The following DUOX2 variants were observed in gnomAD, a reference collection of about 807,000 sequenced individuals.
DUOX2 encodes the protein NADH/NADPH thyroid oxidase p138-tox.
Under a neutral mutation model 183.3 loss-of-function variants are expected in DUOX2, and 185 were observed. The ratio of observed to expected loss-of-function variants is 1.01; its 90% CI spans 0.90 to 1.14. The LOEUF (loss-of-function observed/expected upper bound fraction) is 1.14, where lower values mean the gene tolerates loss of function less well. Among genes scored for constraint, DUOX2 ranks in the 50% most tolerant of loss-of-function variants. DUOX2 has a pLI of 0.00. For synonymous variants in DUOX2, 788 were observed against 812.4 expected, an observed-to-expected ratio of 0.97 and a Z score of 0.51; for missense variants, 1,999 against 2,022.9, an observed-to-expected ratio of 0.99 and a Z score of 0.23.
intron 33 of DUOX2, 43 bp from the exon 34 acceptor site, chr15:45,094,315 G>A (rs1384297009): frequency 1.2e-6 from 2 of 1,613,682 alleles, no homozygotes; most frequent in Non-Finnish European, 1.7e-6. Context: ...CAGCCTAAAG[G>A]TGCTCACTCT....
At chr15:45,100,580 G>T (rs79374174) in intron 23 of DUOX2, among the ~76,000 whole-genome samples, 175 bp downstream of exon 23, 1 of 152,206 alleles carries the variant, frequency 6.6e-6, no homozygotes, top group Admixed American at 6.5e-5. Context: ...ATGGGGTGCA[G>T]AGGCTGGAAG....
In DUOX2 at chr15:45,095,844, C is replaced by T; in HGVS notation, c.4064G>A (p.Cys1355Tyr). The T allele has an allele frequency of 6.2e-7, 1 of 1,614,098 alleles. No individual in the cohort carries two copies. Among genetic ancestry groups the T allele is most frequent in the South Asian group, 1.1e-5 (1 of 91,076 alleles). ...GACGGGCACCTTTGGGTATCCAGCA[C>T]AGCCATTGCCCTTTGGGGATGAGTA... ...EIYSSPKGNG[C>Y]AGYPKLYLDG... The change falls in exon 30 of 34, where the codon TGT becomes TAT. Residue 1355 changes from cysteine (C) to tyrosine (Y), a missense_variant. Physicochemically the swap from Cys to Tyr is radical, Grantham distance 194 (BLOSUM62 -2). Coordinates refer to ENST00000389039, the MANE Select transcript of DUOX2 (RefSeq NM_001363711.2).
At position 45,112,982 on chromosome 15, in the gene DUOX2, C is replaced by T. The variant is rs372199473; in HGVS notation, c.160+5G>A. On this transcript the variant is annotated splice_donor_5th_base_variant and intron_variant, in intron 3 of 33. Transcript: ENST00000389039. The stretch of plus-strand genomic sequence containing the variant: ...CCCCAGCACGCCCGGGCCCCCAGAA[C>T]GCACCAACAGCACCACGCTCGTGGT... 8.1e-6 allele frequency: 13 copies of T among 1,613,204 alleles called. No individual in the cohort carries two copies. Among genetic ancestry groups the T allele is most frequent in the Middle Eastern group, 1.7e-4 (1 of 5,950 alleles).
intron 29 of DUOX2, among the ~76,000 whole-genome samples, chr15:45,096,387 G>T (rs1448424632): frequency 6.6e-6 from 1 of 152,040 alleles, no homozygotes; most frequent in Non-Finnish European, 1.5e-5. Context: ...CATCTCAGTG[G>T]CTACCAGACC....
intron 30 of DUOX2, 69 bp downstream of exon 30, chr15:45,095,759 G>A (rs577507386): frequency 1.3e-6 from 2 of 1,557,006 alleles, no homozygotes; most frequent in South Asian, 2.3e-5. Flanking sequence ...TCTAGTCTCA[G>A]GATAGGGAAG....
intron 12 of DUOX2, 22 bp downstream of exon 12, chr15:45,108,767 T>G: frequency 6.2e-7 from 1 of 1,613,776 alleles, no homozygotes. Context: ...TAGCTGCCAT[T>G]ATTATCATTA....
intron 29 of DUOX2, 106 bp downstream of exon 29, chr15:45,097,132 C>G (rs557181722): frequency 1.4e-4 from 212 of 1,539,742 alleles, no homozygotes; most frequent in Non-Finnish European, 1.8e-4. Context: ...TTTTTGGAGA[C>G]AGAGTCAGAG....
rs778971278 is a variant in DUOX2 at position 45,109,061 on chromosome 15, C to A, written c.1235-109G>T. 6.4e-5 allele frequency: 89 copies of A among 1,385,860 alleles called. No individual in the cohort carries two copies. In the East Asian group the frequency reaches 8.1e-4, roughly 13 times the overall value. The allele number at this position is 1,385,860 out of a possible 1,614,324, so 85.8% of individuals were successfully genotyped here. ...TACGGTTCTTCCCTCCTGGCTACCC[C>A]CAGTGATCCACATGAGATCTGTGCC... On this transcript the variant is annotated intron_variant, in intron 11 of 33. Coordinates refer to ENST00000389039, the MANE Select transcript of DUOX2 (RefSeq NM_001363711.2).
intron 27 of DUOX2, 65 bp from the exon 28 acceptor site, chr15:45,097,806 A>T: frequency 6.2e-7 from 1 of 1,612,102 alleles, no homozygotes; most frequent in Non-Finnish European, 8.5e-7. Context: ...AAAAGACAAC[A>T]GCACATTCCC....
chr15:45,095,770 G>A (rs1893883724), intron 30 of DUOX2, 58 bp downstream of exon 30: 3 of 1,568,210 alleles, frequency 1.9e-6, no homozygotes, highest in Non-Finnish European at 2.6e-6. Context: ...GATAGGGAAG[G>A]GCAGAGATCC....
chr15:45,094,088 G>A lies in DUOX2; in HGVS notation c.*62C>T. 6.2e-7 allele frequency: 1 copy of A among 1,613,160 alleles called. No homozygotes were observed. The highest frequency in any genetic ancestry group is 8.5e-7 in the Non-Finnish European group (1 of 1,179,384). On this transcript the variant is annotated 3_prime_UTR_variant, in exon 34 of 34. Transcript: ENST00000389039. ...GATGGAGAGATTGCCAGCAGGGCTGGGCAACTTAGGTGCACAGAAGAGAAG... is the reference window on the plus strand; with the variant it reads ...GATGGAGAGATTGCCAGCAGGGCTGAGCAACTTAGGTGCACAGAAGAGAAG...
Position 45,103,960 on chromosome 15 carries a change from C to T in DUOX2, c.2654G>A (p.Arg885Gln), listed in dbSNP as rs181461079. The T allele has an allele frequency of 5.5e-5, 89 of 1,613,944 alleles. No homozygotes were observed. In the East Asian group the frequency reaches 9.4e-4, roughly 17 times the overall value. Residue 885 changes from arginine to glutamine, a missense_variant and splice_region_variant, in exon 20 of 34, where the codon CGA becomes CAA. Transcript: ENST00000389039. The stretch of plus-strand genomic sequence containing the variant: ...AGGATTAGAAAGGCACACCCCATAC[C>T]GCATCATGGTGAAGAATTCGTCCTT... ...LSKDEFFTMM[R>Q]SFIEISNNCL...
At position 45,111,954 on chromosome 15, in the gene DUOX2, G is replaced by C. The variant is rs745963417; in HGVS notation, c.327C>G (p.Gly109=). ...HNRTVLGVFF[G]YHVLSDVVSV... ...TCACCACGTCGGAAAGAACATGGTA[G>C]CCTGCGGGCATGGGGCGCCAATACG... Residue 109 remains glycine (G), a splice_region_variant and synonymous_variant, in exon 5 of 34, where the codon GGC becomes GGG. Coordinates refer to ENST00000389039, the MANE Select transcript of DUOX2 (RefSeq NM_001363711.2). 1 of 1,613,350 alleles carries C rather than the reference G, an allele frequency of 6.2e-7. No individual in the cohort carries two copies. Among genetic ancestry groups the C allele is most frequent in the African/African-American group, 1.3e-5 (1 of 74,942 alleles).
chr15:45,112,911 T>C (rs960553616), intron 3 of DUOX2, 76 bp downstream of exon 3: 1 of 1,571,292 alleles, frequency 6.4e-7, no homozygotes, highest in African/African-American at 1.4e-5. Flanking sequence ...TCCCCGCAGA[T>C]TCCCCGCTCA....
At chr15:45,097,534 G>C in intron 28 of DUOX2, 80 bp downstream of exon 28, 1 of 1,612,358 alleles carries the variant, frequency 6.2e-7, no homozygotes, top group Non-Finnish European at 8.5e-7. Context: ...CTGAGATCTT[G>C]GATCCAATTC....
At chr15:45,101,021 G>T in intron 22 of DUOX2, 183 bp from the exon 23 acceptor site, 1 of 705,520 alleles carries the variant, frequency 1.4e-6, no homozygotes, top group Non-Finnish European at 2.5e-6. Context: ...GAGCAGCAGG[G>T]AGAGAGCCAA....
rs140319655 is a variant in DUOX2 at position 45,104,342 on chromosome 15, G to A, written c.2358C>T (p.Asp786=). 4.2e-5 allele frequency: 67 copies of A among 1,613,824 alleles called. No homozygotes were observed. The highest frequency in any genetic ancestry group is 1.3e-4 in the East Asian group (6 of 44,868). ...FAQVLDINQA[D]AGTLPLDSSQ... is the part of the protein sequence containing the mutation. ...AGGAGTCCAGGGGCAGGGTCCCTGC[G>A]TCGGCCTGGTTGATGTCCAGCACCT... is the stretch of plus-strand genomic sequence containing the variant. The change falls in exon 19 of 34, where the codon GAC becomes GAT. Residue 786 remains aspartate, a synonymous_variant. Coordinates refer to ENST00000389039, the MANE Select transcript of DUOX2 (RefSeq NM_001363711.2).
intron 32 of DUOX2, 81 bp downstream of exon 32, chr15:45,094,851 TCCAC>T (rs1176939892): frequency 1.9e-5 from 30 of 1,600,078 alleles, no homozygotes; most frequent in Non-Finnish European, 2.4e-5. Flanking sequence ...AGCCTGGCCG[TCCAC>T]CCACCTGCCC....
In DUOX2 at chr15:45,104,242, G is replaced by C; in HGVS notation, c.2458C>G (p.Gln820Glu). 1 of 1,614,094 alleles carries C rather than the reference G, an allele frequency of 6.2e-7. No homozygotes were observed. The highest frequency in any genetic ancestry group is 8.5e-7 in the Non-Finnish European group (1 of 1,180,004). Residue 820 changes from glutamine (Q) to glutamate (E), a missense_variant, in exon 19 of 34, where the codon CAG becomes GAG. Around this residue, in one of 3 missense-constraint regions of DUOX2, gnomAD observed 1,628 missense variants for 1,608.6 expected, o/e 1.01. Transcript: ENST00000389039. ...AACATGGACTCCACAAACATGTCCT[G>C]GGGCTTGAGGCCCAGGGACTCGGCA... ...EFAESLGLKPQDMFVESMFSL... is the reference protein window; with the variant it reads ...EFAESLGLKPEDMFVESMFSL...
Sources: allele counts gnomAD v4.1 joint callset (sites outside exome capture counted in the v4.1 genomes callset), GRCh38; gene constraint gnomAD v4.1.1; regional missense constraint gnomAD v4.1.1; transcripts MANE v1.5; gene names NCBI Gene and HGNC (gene_info 2026-07-23, HGNC 2026-07-21).